Variants in MYO3A observed in about 807,000 individuals in gnomAD.
MYO3A encodes the protein myosin IIIA.
A neutral mutation model predicts 192.7 loss-of-function variants in MYO3A; 180 were observed. The observed-to-expected ratio is 0.93, with a 90% confidence interval of 0.83 to 1.06. MYO3A has a LOEUF of 1.06. Ranked by LOEUF, MYO3A falls within the 50% of genes least tolerant of loss-of-function variation. The pLI, the probability that MYO3A is intolerant of heterozygous loss-of-function variation, is 0.00. For missense variants in MYO3A, 1,896 were observed against 1,905.0 expected, an observed-to-expected ratio of 1.00 and a Z score of 0.09; for synonymous variants, 628 against 645.3, an observed-to-expected ratio of 0.97 and a Z score of 0.41.
intron 4 of MYO3A, among the ~76,000 whole-genome samples, chr10:25,982,236 C>T (rs987836949): frequency 2.6e-5 from 4 of 152,128 alleles, no homozygotes; most frequent in South Asian, 2.1e-4. Context: ...GCAGCCACAG[C>T]GAGCCCCACC....
intron 17 of MYO3A, among the ~76,000 whole-genome samples, chr10:26,115,642 C>T (rs1281456671): frequency 1.3e-5 from 2 of 152,004 alleles, no homozygotes; most frequent in Non-Finnish European, 2.9e-5. Flanking sequence ...TTACATTGCC[C>T]TAAACAAACA....
Position 26,139,102 on chromosome 10 carries a change from C to T in MYO3A, c.2263-4346C>T, listed in dbSNP as rs2131821163. 1.3e-5 allele frequency among the ~76,000 whole-genome samples: 2 copies of T among 152,258 alleles called. 1 individual carries two copies. The highest frequency in any genetic ancestry group is 3.9e-4 in the East Asian group (2 of 5,180). ...CAATAATACTCCTAATAATAGCTGA[C>T]AGGCATTAAGTATGTAGTATGTGCT... is the stretch of plus-strand genomic sequence containing the variant. On this transcript the variant is annotated intron_variant, in intron 20 of 34. Transcript: ENST00000642920.
chr10:25,951,377 A>G (rs1358859368), intron 2 of MYO3A, among the ~76,000 whole-genome samples: 2 of 152,118 alleles, frequency 1.3e-5, no homozygotes, highest in African/African-American at 4.8e-5. Context: ...TGCAACCCAG[A>G]TGGGGTGGAG....
At chr10:26,191,281 T>C (rs1004148038) in intron 31 of MYO3A, among the ~76,000 whole-genome samples, 37 of 152,268 alleles carry the variant, frequency 2.4e-4, no homozygotes, top group African/African-American at 8.9e-4. Flanking sequence ...AAGAACACTA[T>C]TTATGATGGT....
chr10:25,953,728 C>T (rs1837361480), intron 3 of MYO3A, among the ~76,000 whole-genome samples: 1 of 152,042 alleles, frequency 6.6e-6, no homozygotes, highest in African/African-American at 2.4e-5. Context: ...TACCTACAAG[C>T]CTTATAAGTC....
intron 6 of MYO3A, among the ~76,000 whole-genome samples, chr10:26,013,504 C>CAT (rs34600968): frequency 0.094 from 14,326 of 151,874 alleles, 1,180 homozygotes; most frequent in African/African-American, 0.21. Context: ...GACCAACAAA[C>CAT]ATGAAAAACT....
At chr10:25,970,166 G>A (rs912208275) in intron 4 of MYO3A, among the ~76,000 whole-genome samples, 4 of 151,914 alleles carry the variant, frequency 2.6e-5, no homozygotes, top group African/African-American at 9.7e-5. Context: ...AAAATTATTT[G>A]AGGATACATA....
At chr10:26,178,127 C>T (rs1431221895) in intron 31 of MYO3A, among the ~76,000 whole-genome samples, 1 of 152,204 alleles carries the variant, frequency 6.6e-6, no homozygotes, top group African/African-American at 2.4e-5. Flanking sequence ...AGGGTAGGAG[C>T]TGAGGGAAGG....
intron 17 of MYO3A, among the ~76,000 whole-genome samples, chr10:26,112,317 GGT>G (rs1233752344): frequency 6.6e-6 from 1 of 152,150 alleles, no homozygotes; most frequent in African/African-American, 2.4e-5. Flanking sequence ...ATTCTCCGAG[GGT>G]GTGGTGGCCT....
At chr10:26,058,543 A>G (rs905347072) in intron 10 of MYO3A, among the ~76,000 whole-genome samples, 1 of 152,176 alleles carries the variant, frequency 6.6e-6, no homozygotes, top group African/African-American at 2.4e-5. Context: ...TTTATAAGAA[A>G]CTGTCAAACT....
At chr10:26,185,348 T>TC (rs1369603887) in intron 31 of MYO3A, among the ~76,000 whole-genome samples, 66 of 140,262 alleles carry the variant, frequency 4.7e-4, no homozygotes, top group Non-Finnish European at 8.7e-4. Flanking sequence ...TTTTTTTTTT[T>TC]TTTTTTTTTG....
At position 26,026,517 on chromosome 10, in the gene MYO3A, G is replaced by A. The variant is rs527881627; in HGVS notation, c.938G>A (p.Gly313Asp). The A allele has an allele frequency of 5.9e-5, 96 of 1,614,082 alleles. 1 individual carries two copies. The South Asian group carries it at 1.0e-3, about 17-fold the overall frequency. ...EFIGIHQCMG[G>D]TEKARRERIH... ...ATTGGCATCCATCAATGCATGGGAG[G>A]CACAGAAAAGGCCAGGTAATCAAAT... is the stretch of plus-strand genomic sequence containing the variant. The change falls in exon 10 of 35, where the codon GGC becomes GAC. Residue 313 changes from glycine to aspartate, a missense_variant. Gly to Asp is a moderately conservative substitution (Grantham distance 94). Coordinates refer to ENST00000642920, the MANE Select transcript of MYO3A (RefSeq NM_017433.5).
intron 23 of MYO3A, among the ~76,000 whole-genome samples, chr10:26,149,037 A>G (rs1840635336): frequency 6.6e-6 from 1 of 152,138 alleles, no homozygotes; most frequent in Non-Finnish European, 1.5e-5. Context: ...GACAGGTTGC[A>G]AGAGTGAACA....
rs147191542 is a variant in MYO3A at position 26,030,135 on chromosome 10, C to T, written c.953+3603C>T. The stretch of plus-strand genomic sequence containing the variant: ...ACTCAGCCCCATTCTTCCCACCACA[C>T]CTCGGTCAAGGCCTTCATTGTGAAT... On this transcript the variant is annotated intron_variant, in intron 10 of 34. Transcript: ENST00000642920. 3.3e-4 allele frequency among the ~76,000 whole-genome samples: 50 copies of T among 152,264 alleles called. No homozygotes were observed. In the East Asian group the frequency reaches 9.1e-3, roughly 28 times the overall value.
intron 17 of MYO3A, among the ~76,000 whole-genome samples, chr10:26,114,261 T>A (rs1313178692): frequency 6.6e-6 from 1 of 152,124 alleles, no homozygotes; most frequent in Non-Finnish European, 1.5e-5. Context: ...CATTGTTCTC[T>A]CTCCCAGTCC....
chr10:26,026,286 C>A, intron 9 of MYO3A, 91 bp from the exon 10 acceptor site: 1 of 1,454,222 alleles, frequency 6.9e-7, no homozygotes, highest in East Asian at 2.4e-5. Flanking sequence ...GAGCATCACT[C>A]TCGTGTGTTA....
At chr10:26,068,642 C>T (rs1183966723) in intron 11 of MYO3A, 126 bp from the exon 12 acceptor site, 5 of 604,074 alleles carry the variant, frequency 8.3e-6, no homozygotes, top group Admixed American at 7.3e-5. Context: ...TTTTTACTAT[C>T]AGTGTGTCTG....
chr10:26,127,942 C>A (rs1589004147), intron 19 of MYO3A, among the ~76,000 whole-genome samples: 1 of 151,854 alleles, frequency 6.6e-6, no homozygotes. Context: ...TAATTAAGAT[C>A]TTTTTAGTAA....
chr10:26,075,761 GTCTC>G (rs780022413), intron 14 of MYO3A, among the ~76,000 whole-genome samples: 7 of 140,694 alleles, frequency 5.0e-5, no homozygotes, highest in African/African-American at 1.8e-4. Context: ...ATATATATAT[GTCTC>G]TCTCATATAT....
Sources: gnomAD v4.1 joint callset for allele counts (sites outside exome capture counted in the v4.1 genomes callset) on GRCh38, gnomAD v4.1.1 for gene constraint, MANE v1.5 for transcripts, NCBI Gene and HGNC (gene_info 2026-07-23, HGNC 2026-07-21) for gene names.